Variants in CEP192 observed in about 807,000 individuals in gnomAD.
CEP192 encodes centrosomal protein of 192 kDa.
Under a neutral mutation model 271.8 loss-of-function variants are expected in CEP192, and 151 were observed. The observed-to-expected ratio is 0.56, with a 90% CI of 0.49 to 0.64. The LOEUF is 0.64. CEP192 is among the 30% of genes least tolerant of loss of function. The pLI is 0.00. For synonymous variants in CEP192, 995 were observed against 1,076.5 expected (o/e 0.92, Z 1.48); for missense variants, 2,910 against 3,020.5 (o/e 0.96, Z 0.86).
chr18:13,028,984 T>C (rs1453980439), intron 9 of CEP192, among the ~76,000 whole-genome samples: 1 of 152,242 alleles, frequency 6.6e-6, no homozygotes, highest in Non-Finnish European at 1.5e-5. Context: ...AGGTTGTTCT[T>C]ATTGCTTGTC....
At chr18:13,018,397 C>A in intron 7 of CEP192, 83 bp from the exon 8 acceptor site, 1 of 802,844 alleles carries the variant, frequency 1.2e-6, no homozygotes, top group Non-Finnish European at 1.8e-6. Flanking sequence ...TTTCTGGCAT[C>A]CTTCAGTAAA....
At chr18:13,084,499 G>C (rs2038794103) in intron 30 of CEP192, among the ~76,000 whole-genome samples, 1 of 152,208 alleles carries the variant, frequency 6.6e-6, no homozygotes, top group Non-Finnish European at 1.5e-5. Flanking sequence ...ATTTGGGCGG[G>C]ATTGTCCCGA....
Position 13,068,926 on chromosome 18 carries a change from C to G in CEP192, c.4897C>G (p.Leu1633Val), listed in dbSNP as rs1427650806. 6.2e-7 allele frequency: 1 copy of G among 1,614,142 alleles called. No individual in the cohort carries two copies. Reference sequence around the variant, plus strand: ...TGACAGCCCAAACCCTACGCCCGTTCTTAGAAGTGTGAGTCTCCGAGCAAG... The same window carrying G: ...TGACAGCCCAAACCCTACGCCCGTTGTTAGAAGTGTGAGTCTCCGAGCAAG... ...EVDSPNPTPV[L>V]RSVSLRARAG... Residue 1633 changes from leucine (L) to valine (V), a missense_variant, in exon 25 of 45, where the codon CTT becomes GTT. By Grantham distance (32) the Leu-to-Val change is conservative. Transcript: ENST00000506447.
intron 1 of CEP192, among the ~76,000 whole-genome samples, chr18:12,995,058 T>G (rs2033129523): frequency 4.6e-5 from 6 of 130,672 alleles, no homozygotes; most frequent in Admixed American, 3.0e-4. Flanking sequence ...GAGGAATTTT[T>G]TTTTTTTTTT....
At chr18:13,100,261 G>A (rs1366688903) in intron 37 of CEP192, 44 bp from the exon 38 acceptor site, 1 of 1,355,666 alleles carries the variant, frequency 7.4e-7, no homozygotes, top group East Asian at 2.3e-5. Flanking sequence ...CGTTTAAAGT[G>A]ATAGATACGT....
In CEP192 at chr18:13,069,167, T is replaced by G. The variant is rs2037875481; in HGVS notation, c.5041T>G (p.Tyr1681Asp). The change falls in exon 26 of 45, where the codon TAT becomes GAT. Residue 1681 changes from tyrosine to aspartate, a missense_variant. By Grantham distance (160) the Tyr-to-Asp change is radical. Transcript: ENST00000506447. ...GAAAAATGCTGGGAACATTGAAGTT[T>G]ATTTGGATATCAAGGTATGCACTTC... Reference protein sequence around the residue: ...PLKNAGNIEVYLDIKVPEQGS... With the variant: ...PLKNAGNIEVDLDIKVPEQGS... The G allele has an allele frequency of 6.2e-7, 1 of 1,613,926 alleles. No individual in the cohort carries two copies. The highest frequency in any genetic ancestry group is 1.6e-4 in the Middle Eastern group (1 of 6,062).
rs1318125126 is a variant in CEP192 at position 13,087,118 on chromosome 18, CA to C, written c.5721del (p.Glu1908LysfsTer21). On this transcript the variant is annotated frameshift_variant, in exon 31 of 45. Transcript: ENST00000506447. LOFTEE classifies it high-confidence loss of function. ...MVTVNGLVPG[K>X]ESKIVFSVRN... Reference sequence around the variant, plus strand: ...TAACAGTGAATGGCTTAGTACCTGGCAAAGAAAGTAAAATTGTTTTTTCTGT... The same window carrying C: ...TAACAGTGAATGGCTTAGTACCTGGCAAGAAAGTAAAATTGTTTTTTCTGT... The C allele has an allele frequency of 6.2e-7, 1 of 1,613,848 alleles. No individual in the cohort carries two copies. Among genetic ancestry groups the C allele is most frequent in the Non-Finnish European group, 8.5e-7 (1 of 1,179,920 alleles).
At chr18:13,096,818 C>A (rs12607203) in intron 36 of CEP192, among the ~76,000 whole-genome samples, 20,809 of 152,126 alleles carry the variant, frequency 0.14, 1,572 homozygotes, top group East Asian at 0.31. Flanking sequence ...GTAGAATATT[C>A]TAGGACAGAA....
chr18:13,021,736 G>C (rs1326183990), intron 9 of CEP192, among the ~76,000 whole-genome samples: 1 of 152,186 alleles, frequency 6.6e-6, no homozygotes, highest in Non-Finnish European at 1.5e-5. Context: ...TCATATTCAT[G>C]AAGACACAGG....
In CEP192 at chr18:13,095,604, C is replaced by T. The variant is rs146842672; in HGVS notation, c.6356C>T (p.Pro2119Leu). 3.3e-5 allele frequency: 53 copies of T among 1,614,084 alleles called. No individual in the cohort carries two copies. The highest frequency in any genetic ancestry group is 8.9e-5 in the East Asian group (4 of 44,892). The part of the protein sequence containing the change: ...GSPLLSRAAR[P>L]PLDQLASEEP... Reference sequence around the variant, plus strand: ...CCTCTTCTCTCACGGGCGGCTCGCCCGCCTCTGGATCAGCTGGCCTCCGAA... The same window carrying T: ...CCTCTTCTCTCACGGGCGGCTCGCCTGCCTCTGGATCAGCTGGCCTCCGAA... The change falls in exon 35 of 45, where the codon CCG becomes CTG. Residue 2119 changes from proline to leucine, a missense_variant. Physicochemically the swap from Pro to Leu is moderately conservative, Grantham distance 98 (BLOSUM62 -3). Coordinates refer to ENST00000506447, the MANE Select transcript of CEP192 (RefSeq NM_032142.4).
At chr18:12,995,237 T>C (rs980942447) in intron 1 of CEP192, among the ~76,000 whole-genome samples, 2 of 151,812 alleles carry the variant, frequency 1.3e-5, no homozygotes, top group Admixed American at 1.3e-4. Context: ...AATTTTTTTT[T>C]TGTATTTTAG....
intron 36 of CEP192, 141 bp from the exon 37 acceptor site, chr18:13,099,335 G>T: frequency 1.8e-6 from 1 of 548,170 alleles, no homozygotes; most frequent in South Asian, 2.6e-5. Flanking sequence ...TGTGGGAGCC[G>T]CATGGGAGTG....
At chr18:13,079,469 C>A (rs948144178) in intron 30 of CEP192, among the ~76,000 whole-genome samples, 4 of 152,176 alleles carry the variant, frequency 2.6e-5, no homozygotes, top group Non-Finnish European at 5.9e-5. Context: ...CCTTTGCCCA[C>A]TTTTTGATGG....
chr18:13,099,250 C>T (rs12957380), intron 36 of CEP192, among the ~76,000 whole-genome samples: 39,138 of 151,558 alleles, frequency 0.26, 6,110 homozygotes, highest in Admixed American at 0.36. Context: ...TTTGCCCTTG[C>T]GTCATGGGTT....
chr18:13,098,559 C>A (rs1388758495), intron 36 of CEP192, among the ~76,000 whole-genome samples: 1 of 148,838 alleles, frequency 6.7e-6, no homozygotes, highest in East Asian at 2.0e-4. Flanking sequence ...GGGGCAGAGG[C>A]GCTCCCCACA....
At chr18:13,080,803 A>G (rs560727182) in intron 30 of CEP192, among the ~76,000 whole-genome samples, 3 of 152,278 alleles carry the variant, frequency 2.0e-5, no homozygotes, top group South Asian at 4.2e-4. Context: ...TTATTTTGAG[A>G]TATATTCCAT....
chr18:13,088,263 CATA>C (rs1359248498), intron 32 of CEP192, among the ~76,000 whole-genome samples: 5 of 151,940 alleles, frequency 3.3e-5, no homozygotes, highest in African/African-American at 1.2e-4. Context: ...GCCTGGGCAA[CATA>C]ATGAGACCTT....
chr18:13,030,021 A>G lies in CEP192; in HGVS notation c.1390+19A>G, dbSNP rs1390900849. 6 of 1,481,580 alleles carry G rather than the reference A, an allele frequency of 4.0e-6. No homozygotes were observed. Among genetic ancestry groups the G allele is most frequent in the Non-Finnish European group, 5.5e-6 (6 of 1,093,536 alleles). 91.8% of individuals were successfully genotyped at this position (1,481,580 alleles called of 1,614,324 possible). A position where few individuals can be genotyped will look rare whatever the true frequency, so the allele number is the denominator to read the frequency against. On this transcript the variant is annotated intron_variant, in intron 10 of 44. Transcript: ENST00000506447. Reference sequence around the variant, plus strand: ...AAAGACAGTAAGTGGACTTTTTAAAAAATAGAGTGAAAGAAATAGATGTTC... The same window carrying G: ...AAAGACAGTAAGTGGACTTTTTAAAGAATAGAGTGAAAGAAATAGATGTTC...
intron 21 of CEP192, among the ~76,000 whole-genome samples, chr18:13,060,224 C>T (rs2037334790): frequency 6.6e-6 from 1 of 152,184 alleles, no homozygotes. Flanking sequence ...GGCTATGTAC[C>T]ATTGTTCCCA....
Sources: gnomAD v4.1 joint callset for allele counts (sites outside exome capture counted in the v4.1 genomes callset) on GRCh38, gnomAD v4.1.1 for gene constraint, MANE v1.5 for transcripts, NCBI Gene and HGNC (gene_info 2026-07-23, HGNC 2026-07-21) for gene names.